The following RNGTT variants were observed in gnomAD, a reference collection of about 807,000 sequenced individuals.
RNGTT encodes the protein RNA guanylyltransferase and 5'-phosphatase, also known as mRNA-capping enzyme.
A neutral mutation model predicts 79.3 loss-of-function variants in RNGTT; 33 were observed. The ratio of observed to expected loss-of-function variants is 0.42; its 90% CI spans 0.32 to 0.56. The LOEUF (loss-of-function observed/expected upper bound fraction) is 0.56, where lower values mean the gene tolerates loss of function less well. RNGTT is among the 20% of genes least tolerant of loss of function. The pLI, the probability that RNGTT is intolerant of heterozygous loss-of-function variation, is 0.17. For synonymous variants in RNGTT, 222 were observed against 235.9 expected (o/e 0.94, Z 0.54); for missense variants, 497 against 739.1 (o/e 0.67, Z 3.80).
In RNGTT at chr6:88,667,725, G is replaced by C. The variant is rs1380699333; in HGVS notation, c.1506+10628C>G. Among the ~76,000 whole-genome samples the C allele has an allele frequency of 4.6e-5, 7 of 152,304 alleles. No homozygotes were observed. In the South Asian group the frequency reaches 1.0e-3, roughly 23 times the overall value. On this transcript the variant is annotated intron_variant, in intron 14 of 15. Transcript: ENST00000369485. ...CGGCATTTGTGGCTGACTTGGTACA[G>C]AAGACGGCAAAGGTATTGGGGATCA...
At chr6:88,755,744 C>T (rs1010145008) in intron 13 of RNGTT, among the ~76,000 whole-genome samples, 1 of 151,842 alleles carries the variant, frequency 6.6e-6, no homozygotes, top group East Asian at 1.9e-4. Context: ...AGGTGCATCA[C>T]GAGGTCAGGA....
chr6:88,933,962 G>A (rs1350393250), intron 2 of RNGTT, among the ~76,000 whole-genome samples: 2 of 152,172 alleles, frequency 1.3e-5, no homozygotes, highest in African/African-American at 4.8e-5. Context: ...CCAACCAACA[G>A]CATATGAGTT....
At chr6:88,888,959 C>T (rs1411520050) in intron 8 of RNGTT, among the ~76,000 whole-genome samples, 6 of 152,086 alleles carry the variant, frequency 3.9e-5, no homozygotes, top group Admixed American at 6.6e-5. Flanking sequence ...ACCTGGCAGG[C>T]GGAGGTTGTG....
chr6:88,812,590 G>T (rs1421525042), intron 11 of RNGTT, among the ~76,000 whole-genome samples: 1 of 152,194 alleles, frequency 6.6e-6, no homozygotes, highest in East Asian at 1.9e-4. Flanking sequence ...AGGTGGCAGG[G>T]TCTAGTGGGG....
chr6:88,705,548 T>G (rs868344572), intron 13 of RNGTT, among the ~76,000 whole-genome samples: 1 of 152,120 alleles, frequency 6.6e-6, no homozygotes, highest in Non-Finnish European at 1.5e-5. Context: ...AGATGAAGCA[T>G]AAATAGAAAT....
intron 11 of RNGTT, among the ~76,000 whole-genome samples, chr6:88,830,137 T>A (rs1780806180): frequency 6.6e-6 from 1 of 152,138 alleles, no homozygotes; most frequent in African/African-American, 2.4e-5. Context: ...AGCACATAAT[T>A]GGAAGTAAAA....
At position 88,872,848 on chromosome 6, in the gene RNGTT, T is replaced by C. The variant is rs138189104; in HGVS notation, c.896+17647A>G. 5.5e-3 allele frequency among the ~76,000 whole-genome samples: 837 copies of C among 152,212 alleles called. 6 individuals are homozygous for C. Among genetic ancestry groups the C allele is most frequent in the African/African-American group, 0.018 (727 of 41,518 alleles). On this transcript the variant is annotated intron_variant, in intron 8 of 15. Transcript: ENST00000369485. Reference sequence around the variant, plus strand: ...AGCAGGATTCACAGATGGAGGTGCCTATTTTACAAAACCCCAAAGAAGATC... The same window carrying C: ...AGCAGGATTCACAGATGGAGGTGCCCATTTTACAAAACCCCAAAGAAGATC...
intron 13 of RNGTT, among the ~76,000 whole-genome samples, chr6:88,727,467 G>A (rs922042717): frequency 1.3e-5 from 2 of 152,072 alleles, no homozygotes; most frequent in African/African-American, 4.8e-5. Flanking sequence ...AAGCACAACA[G>A]GTTTTTCTTA....
chr6:88,956,379 C>T (rs1785432414), intron 1 of RNGTT, among the ~76,000 whole-genome samples: 4 of 151,544 alleles, frequency 2.6e-5, no homozygotes, highest in African/African-American at 9.7e-5. Flanking sequence ...GAAAAAAGTC[C>T]AAGAAAACAA....
At chr6:88,836,084 TAC>T (rs1781070353) in intron 11 of RNGTT, among the ~76,000 whole-genome samples, 2 of 148,446 alleles carry the variant, frequency 1.3e-5, no homozygotes, top group South Asian at 4.2e-4. Context: ...ATATAAGATT[TAC>T]ATATATATAT....
intron 13 of RNGTT, among the ~76,000 whole-genome samples, chr6:88,740,937 T>C (rs1777467001): frequency 6.6e-6 from 1 of 152,302 alleles, no homozygotes; most frequent in Middle Eastern, 3.4e-3. Context: ...ATAGCCATTC[T>C]GACTGGTATG....
At chr6:88,822,072 G>C (rs983828911) in intron 11 of RNGTT, among the ~76,000 whole-genome samples, 1 of 152,140 alleles carries the variant, frequency 6.6e-6, no homozygotes, top group Non-Finnish European at 1.5e-5. Context: ...AAAGTGAACT[G>C]AATTTATACA....
At chr6:88,857,456 ACACTAAAGGAAGG>A (rs1410402073) in intron 8 of RNGTT, among the ~76,000 whole-genome samples, 1 of 152,156 alleles carries the variant, frequency 6.6e-6, no homozygotes, top group East Asian at 1.9e-4. Flanking sequence ...ACCTGAATAC[ACACTAAAGGAAGG>A]CACTCAATAT....
At chr6:88,770,696 G>C (rs551411653) in intron 12 of RNGTT, among the ~76,000 whole-genome samples, 135 of 152,270 alleles carry the variant, frequency 8.9e-4, no homozygotes, top group African/African-American at 3.1e-3. Context: ...GTTTAGCTTT[G>C]TAAGAACTGT....
chr6:88,913,229 A>C (rs1213443966), intron 4 of RNGTT, among the ~76,000 whole-genome samples: 2 of 135,022 alleles, frequency 1.5e-5, no homozygotes, highest in Admixed American at 7.1e-5. Flanking sequence ...AAAAAAAACA[A>C]AAAAAAAAAA....
chr6:88,952,973 C>T (rs1008093169), intron 1 of RNGTT, among the ~76,000 whole-genome samples: 17 of 152,270 alleles, frequency 1.1e-4, no homozygotes, highest in East Asian at 1.9e-4. Context: ...TCTGAACAGA[C>T]GCCTTGAGTT....
At chr6:88,813,488 A>C (rs528641729) in intron 11 of RNGTT, among the ~76,000 whole-genome samples, 1 of 152,310 alleles carries the variant, frequency 6.6e-6, no homozygotes, top group South Asian at 2.1e-4. Flanking sequence ...TTGCAATAAA[A>C]AGCTTTTATT....
chr6:88,632,392 C>T (rs1397473578), intron 14 of RNGTT, among the ~76,000 whole-genome samples: 2 of 152,150 alleles, frequency 1.3e-5, no homozygotes, highest in East Asian at 1.9e-4. Flanking sequence ...AGCACACTGA[C>T]TATGGAGTCA....
At chr6:88,624,073 C>T (rs1326960031) in intron 14 of RNGTT, among the ~76,000 whole-genome samples, 2 of 151,780 alleles carry the variant, frequency 1.3e-5, no homozygotes, top group Non-Finnish European at 2.9e-5. Flanking sequence ...CTACAAAATA[C>T]TGATGAAAGA....
Sources: gnomAD v4.1 joint callset for allele counts (sites outside exome capture counted in the v4.1 genomes callset) on GRCh38, gnomAD v4.1.1 for gene constraint, MANE v1.5 for transcripts, NCBI Gene and HGNC (gene_info 2026-07-23, HGNC 2026-07-21) for gene names.